The following CDKL5 variants were observed in gnomAD, a reference collection of about 807,000 sequenced individuals.
CDKL5 encodes the protein cyclin-dependent kinase-like 5.
Under a neutral mutation model 61.7 loss-of-function variants are expected in CDKL5, and 8 were observed. That is an observed-to-expected ratio of 0.13 (90% CI 0.08 to 0.23). The LOEUF (loss-of-function observed/expected upper bound fraction) is 0.23. Ranked by LOEUF, CDKL5 falls within the 10% of genes least tolerant of loss-of-function variation. CDKL5 has a pLI of 1.00. For synonymous variants in CDKL5, 275 were observed against 272.3 expected, an observed-to-expected ratio of 1.01 and a Z score of -0.10; for missense variants, 440 against 734.5, an observed-to-expected ratio of 0.60 and a Z score of 4.63.
chrX:18,564,038 T>C (rs943415910), intron 3 of CDKL5, among the ~76,000 whole-genome samples: 3 of 111,631 alleles, frequency 2.7e-5, no homozygotes, highest in African/African-American at 9.8e-5. Flanking sequence ...GAAAATTAGA[T>C]ATGCTTGTTA....
intron 1 of CDKL5, among the ~76,000 whole-genome samples, chrX:18,434,318 A>G (rs1457246979): frequency 8.9e-6 from 1 of 111,946 alleles, no homozygotes; most frequent in Non-Finnish European, 1.9e-5. Flanking sequence ...ACATTTCTCT[A>G]TGGAAAGTGA....
At chrX:18,564,672 A>G (rs1334339935) in intron 4 of CDKL5, 150 bp downstream of exon 4, 1 of 190,017 alleles carries the variant, frequency 5.3e-6, no homozygotes, top group African/African-American at 3.1e-5. Context: ...TCAGAAAGTG[A>G]ATATAGCTTA....
At position 18,521,875 on chromosome X, in the gene CDKL5, C is replaced by T. The variant is rs867410393; in HGVS notation, c.99+11021C>T. Among the ~76,000 whole-genome samples, 5 of 112,126 alleles carry T rather than the reference C, an allele frequency of 4.5e-5. No homozygotes were observed. The Middle Eastern group carries it at 0.014, about 309-fold the overall frequency. On this transcript the variant is annotated intron_variant, in intron 3 of 17. Coordinates refer to ENST00000623535, the MANE Select transcript of CDKL5 (RefSeq NM_001323289.2). ...AGACATGTGGGTTTGTTTGTGGACTCTCACTTTTATTCCTCTGGGCTATGT... is the reference window on the plus strand; with the variant it reads ...AGACATGTGGGTTTGTTTGTGGACTTTCACTTTTATTCCTCTGGGCTATGT...
intron 3 of CDKL5, among the ~76,000 whole-genome samples, chrX:18,516,986 C>G (rs747231361): frequency 5.4e-5 from 6 of 111,845 alleles, no homozygotes; most frequent in African/African-American, 1.9e-4. Flanking sequence ...TCCACAACGC[C>G]TGGGCCTCCC....
intron 1 of CDKL5, among the ~76,000 whole-genome samples, chrX:18,465,643 T>A (rs1649810373): frequency 9.0e-6 from 1 of 111,548 alleles, no homozygotes; most frequent in South Asian, 3.8e-4. Context: ...CTCTCCAGCC[T>A]GGGCGATAGA....
intron 3 of CDKL5, among the ~76,000 whole-genome samples, chrX:18,525,682 T>C (rs1923409204): frequency 9.1e-6 from 1 of 110,314 alleles, no homozygotes; most frequent in Non-Finnish European, 1.9e-5. Flanking sequence ...GGGATTTGGA[T>C]TGGGATTGCA....
chrX:18,609,075 T>TTAAG (rs1184410591), intron 13 of CDKL5, among the ~76,000 whole-genome samples, 163 bp downstream of exon 13: 3 of 112,209 alleles, frequency 2.7e-5, no homozygotes. Flanking sequence ...AAAAAGATCA[T>TTAAG]TAAGTCAATT....
intron 2 of CDKL5, among the ~76,000 whole-genome samples, chrX:18,507,386 G>T (rs1003297763): frequency 2.8e-5 from 3 of 106,805 alleles, no homozygotes; most frequent in Non-Finnish European, 5.8e-5. Flanking sequence ...ATAAATCAAA[G>T]ATTTTTTTCC....
At chrX:18,494,450 GT>G (rs2147082469) in intron 1 of CDKL5, among the ~76,000 whole-genome samples, 1 of 111,217 alleles carries the variant, frequency 9.0e-6, no homozygotes, top group Non-Finnish European at 1.9e-5. Flanking sequence ...TAGAGATGGG[GT>G]TTTTGCCACG....
chrX:18,476,596 C>T (rs1436539447), intron 1 of CDKL5, among the ~76,000 whole-genome samples: 1 of 111,736 alleles, frequency 8.9e-6, no homozygotes, highest in African/African-American at 3.3e-5. Flanking sequence ...TAATAAAGTC[C>T]ACATTCAGAT....
intron 1 of CDKL5, among the ~76,000 whole-genome samples, chrX:18,479,390 G>A (rs766776434): frequency 2.9e-3 from 266 of 90,446 alleles, no homozygotes; most frequent in Non-Finnish European, 4.5e-3. Flanking sequence ...CACGATCTCC[G>A]CTCACTGCAA....
rs1931342165 is a variant in CDKL5, at chrX:18,425,638, GGC to G, written c.-218_-217del. On this transcript the variant is annotated 5_prime_UTR_variant, in exon 1 of 18. Transcript: ENST00000623535. ...TCTCTGCCGCTGGGGAAGGTAAAGCGGCGACGGCGTCCTCAGGAGCTGTGGGG... is the reference window on the plus strand; with the variant it reads ...TCTCTGCCGCTGGGGAAGGTAAAGCGGACGGCGTCCTCAGGAGCTGTGGGG... 2 of 112,537 alleles carry G rather than the reference GGC, an allele frequency of 1.8e-5. No individual in the cohort carries two copies. Among genetic ancestry groups the G allele is most frequent in the Non-Finnish European group, 3.8e-5 (2 of 53,191 alleles). The allele number at this position is 112,537 out of a possible 1,213,427, so 9.3% of individuals were successfully genotyped here.
chrX:18,582,027 A>G (rs1044898672), intron 7 of CDKL5, 77 bp downstream of exon 7: 1 of 715,674 alleles, frequency 1.4e-6, no homozygotes, highest in Admixed American at 2.4e-5. Context: ...TTAAAGGAAT[A>G]TTAAAAGTAA....
chrX:18,568,218 A>T (rs989693653), intron 4 of CDKL5, among the ~76,000 whole-genome samples: 2 of 112,174 alleles, frequency 1.8e-5, no homozygotes, highest in African/African-American at 6.5e-5. Flanking sequence ...GTGAGAATAT[A>T]TGTTAATTTC....
chrX:18,434,455 C>T (rs772229173), intron 1 of CDKL5, among the ~76,000 whole-genome samples: 3 of 111,365 alleles, frequency 2.7e-5, no homozygotes, highest in Non-Finnish European at 1.9e-5. Context: ...TCAGTTCAAT[C>T]GTAACTGGTT....
rs183325807 is a variant in CDKL5 at position 18,567,729 on chromosome X, A to T, written c.145+3207A>T. Among the ~76,000 whole-genome samples the T allele has an allele frequency of 8.9e-4, 99 of 111,569 alleles. 1 individual carries two copies. Among genetic ancestry groups the T allele is most frequent in the Middle Eastern group, 4.6e-3 (1 of 218 alleles). ...GACCCTGTTTCTACAAAAAATTTTT[A>T]AAAAAATTAGCCAGGCATGGTGGTG... On this transcript the variant is annotated intron_variant, in intron 4 of 17. Transcript: ENST00000623535.
At chrX:18,567,850 A>G (rs1925018298) in intron 4 of CDKL5, among the ~76,000 whole-genome samples, 1 of 111,562 alleles carries the variant, frequency 9.0e-6, no homozygotes, top group Non-Finnish European at 1.9e-5. Context: ...ATGCCACTGC[A>G]CTCCAGCCTA....
At chrX:18,436,491 C>G (rs1048256350) in intron 1 of CDKL5, among the ~76,000 whole-genome samples, 1 of 111,018 alleles carries the variant, frequency 9.0e-6, no homozygotes, top group African/African-American at 3.3e-5. Flanking sequence ...AAGTGAGACC[C>G]GAAGAATGAG....
intron 3 of CDKL5, among the ~76,000 whole-genome samples, chrX:18,556,650 T>C (rs1924611797): frequency 9.0e-6 from 1 of 111,023 alleles, no homozygotes; most frequent in African/African-American, 3.3e-5. Flanking sequence ...GCTTACTTTT[T>C]CTGGGACCAT....
Sources: allele counts gnomAD v4.1 joint callset (sites outside exome capture counted in the v4.1 genomes callset), GRCh38; gene constraint gnomAD v4.1.1; transcripts MANE v1.5; gene names NCBI Gene and HGNC (gene_info 2026-07-23, HGNC 2026-07-21).